Variants in CPXM2 observed in about 807,000 individuals in gnomAD.
CPXM2 encodes the protein carboxypeptidase X, M14 family member 2, also known as inactive carboxypeptidase-like protein X2.
In CPXM2, 66 loss-of-function variants were observed where a neutral mutation model predicts 86.1. The ratio of observed to expected loss-of-function variants is 0.77; its 90% CI spans 0.63 to 0.94. The LOEUF (loss-of-function observed/expected upper bound fraction) is 0.94, where lower values mean the gene tolerates loss of function less well. Among genes scored for constraint, CPXM2 ranks in the 40% least tolerant of loss-of-function variants. The pLI, the probability that CPXM2 is intolerant of heterozygous loss-of-function variation, is 0.00. For missense variants in CPXM2, 948 were observed against 1,026.3 expected, an observed-to-expected ratio of 0.92 and a Z score of 1.04; for synonymous variants, 388 against 400.2, an observed-to-expected ratio of 0.97 and a Z score of 0.36.
At chr10:123,926,446 T>A (rs1162198718) in intron 2 of CPXM2, among the ~76,000 whole-genome samples, 3 of 152,238 alleles carry the variant, frequency 2.0e-5, no homozygotes, top group African/African-American at 7.2e-5. Flanking sequence ...TCCCTTGAAC[T>A]GAACTCGCCT....
In CPXM2 at chr10:123,755,696, A is replaced by G. The variant is rs142003094; in HGVS notation, c.1918-934T>C. On this transcript the variant is annotated intron_variant, in intron 12 of 13. Transcript: ENST00000241305. ...ATAGACCCTTCCAATGACTTGTGTC[A>G]TGCGATGCACTCAAACCTTATGCCT... Among the ~76,000 whole-genome samples the G allele has an allele frequency of 1.0e-3, 154 of 152,344 alleles. 1 individual carries two copies. The highest frequency in any genetic ancestry group is 2.3e-3 in the Admixed American group (35 of 15,302).
upstream of CPXM2, among the ~76,000 whole-genome samples, chr10:123,943,432 G>A (rs183360844): frequency 1.5e-3 from 230 of 152,272 alleles, 1 homozygote; most frequent in African/African-American, 5.2e-3. Flanking sequence ...AATGCCTCAG[G>A]GGAGCCTCTG....
intron 1 of CPXM2, among the ~76,000 whole-genome samples, chr10:123,880,828 C>CAGA (rs1945074889): frequency 1.9e-5 from 1 of 53,970 alleles, no homozygotes; most frequent in African/African-American, 7.8e-5. Flanking sequence ...GATTCCGTCT[C>CAGA]AAAAAAAAAA....
chr10:123,819,674 C>T (rs961203577), intron 4 of CPXM2, among the ~76,000 whole-genome samples: 5 of 152,024 alleles, frequency 3.3e-5, no homozygotes, highest in Admixed American at 1.3e-4. Context: ...GGTGCATTTC[C>T]GGTTGTACAA....
At chr10:123,845,662 A>G (rs1312135796) in intron 3 of CPXM2, among the ~76,000 whole-genome samples, 1 of 152,088 alleles carries the variant, frequency 6.6e-6, no homozygotes, top group African/African-American at 2.4e-5. Flanking sequence ...TTTTAGGGGG[A>G]AAAAAACGAC....
rs777626841 is a variant in CPXM2, at chr10:123,754,661, A to C, written c.2017+2T>G. The stretch of plus-strand genomic sequence containing the variant: ...AGACAGTCTGCACACATTTGCAGTT[A>C]CCTGTTCGGATGTCATGGTTAATGC... On this transcript the variant is annotated splice_donor_variant, in intron 13 of 13. Transcript: ENST00000241305. LOFTEE classifies it high-confidence loss of function. The surrounding 1 kb of genome is among the most constrained non-coding windows in gnomAD (Gnocchi z 4.0). The C allele has an allele frequency of 6.6e-7, 1 of 1,513,152 alleles. No homozygotes were observed. The highest frequency in any genetic ancestry group is 2.3e-5 in the East Asian group (1 of 44,424). The allele number at this position is 1,513,152 out of a possible 1,614,324, so 93.7% of individuals were successfully genotyped here. A position where few individuals can be genotyped will look rare whatever the true frequency, so the allele number is the denominator to read the frequency against.
At chr10:123,814,592 A>T (rs1248204677) in intron 4 of CPXM2, among the ~76,000 whole-genome samples, 2 of 152,100 alleles carry the variant, frequency 1.3e-5, no homozygotes, top group African/African-American at 4.8e-5. Context: ...GGAGCAGAAT[A>T]TTAACGATGG....
In CPXM2 at chr10:123,881,232, TCTTCCCTTCC is replaced by T. The variant is rs201527972; in HGVS notation, c.305-933_305-924del. Among the ~76,000 whole-genome samples the T allele has an allele frequency of 1.4e-4, 9 of 64,874 alleles. 2 individuals carry two copies. The highest frequency in any genetic ancestry group is 3.1e-4 in the African/African-American group (3 of 9,770). The allele number at this position is 64,874 out of a possible 152,430, so 42.6% of individuals were successfully genotyped here. A position where few individuals can be genotyped will look rare whatever the true frequency, so the allele number is the denominator to read the frequency against. ...TGTTCCTTCTCCTGGAGCACCCTTC[TCTTCCCTTCC>T]CTTCCCTTCCCTTCCCTTCCCTTTA... On this transcript the variant is annotated intron_variant, in intron 1 of 13. Transcript: ENST00000241305.
intron 2 of CPXM2, 84 bp from the exon 3 acceptor site, chr10:123,862,807 T>C: frequency 8.4e-7 from 1 of 1,192,210 alleles, no homozygotes; most frequent in Non-Finnish European, 1.2e-6. Context: ...GCCGCGTGCT[T>C]TTCCATTTTC....
upstream of CPXM2, chr10:123,891,838 CCGGGGCGGACAGGGGCGCGCAGAGGCG>C: frequency 5.2e-6 from 1 of 194,136 alleles, no homozygotes; most frequent in Non-Finnish European, 9.4e-6. This position sits in a 1 kb window ranked among gnomAD's most constrained non-coding sequence, Gnocchi z 5.6. Context: ...CTGGGCTGGG[CCGGGGCGGACAGGGGCGCGCAGAGGCG>C]CGGGGCGGGC....
Position 123,757,307 on chromosome 10 carries a change from G to C in CPXM2, c.1823C>G (p.Ser608Cys). 6.2e-7 allele frequency: 1 copy of C among 1,613,760 alleles called. No homozygotes were observed. The highest frequency in any genetic ancestry group is 8.5e-7 in the Non-Finnish European group (1 of 1,179,664). The change falls in exon 12 of 14, where the codon TCC becomes TGC. Residue 608 changes from serine to cysteine, a missense_variant. Physicochemically the swap from Ser to Cys is moderately radical, Grantham distance 112. Transcript: ENST00000241305. ...SYLHTNCFEL[S>C]IYVGCDKYPH... The stretch of plus-strand genomic sequence containing the variant: ...GTATTTATCACAGCCCACGTAGATG[G>C]ACAGTTCGAAGCAGTTTGTATGAAG...
chr10:123,773,208 C>T (rs61863760), intron 7 of CPXM2, among the ~76,000 whole-genome samples: 1 of 145,220 alleles, frequency 6.9e-6, no homozygotes, highest in Non-Finnish European at 1.6e-5. Flanking sequence ...TCATTGTGGT[C>T]ATCAGCTCCC....
At chr10:123,826,976 T>C (rs558826905) in intron 4 of CPXM2, among the ~76,000 whole-genome samples, 1 of 152,280 alleles carries the variant, frequency 6.6e-6, no homozygotes, top group East Asian at 1.9e-4. Flanking sequence ...CTGTAATGGG[T>C]CATTAGTATG....
intron 11 of CPXM2, 86 bp from the exon 12 acceptor site, chr10:123,757,438 T>A (rs1846241226): frequency 1.7e-6 from 2 of 1,188,382 alleles, no homozygotes; most frequent in Non-Finnish European, 2.5e-6. Flanking sequence ...CAAGGATGTT[T>A]AAGAACATTC....
At chr10:123,803,256 T>C (rs1426095232) in intron 4 of CPXM2, among the ~76,000 whole-genome samples, 2 of 147,140 alleles carry the variant, frequency 1.4e-5, no homozygotes, top group African/African-American at 5.0e-5. Context: ...TGCACCACCA[T>C]ACCCAGCTAA....
At chr10:123,854,419 ATATAATATATATATAATATACTT>A in intron 3 of CPXM2, among the ~76,000 whole-genome samples, 1 of 125,076 alleles carries the variant, frequency 8.0e-6, no homozygotes, top group Non-Finnish European at 1.6e-5. Context: ...TATATAAAAT[ATATAATATATATATAATATACTT>A]TTATATATAA....
At chr10:123,878,535 G>T (rs1289177513) in intron 2 of CPXM2, among the ~76,000 whole-genome samples, 3 of 151,122 alleles carry the variant, frequency 2.0e-5, no homozygotes, top group Non-Finnish European at 4.4e-5. Flanking sequence ...GTGTGTGTGT[G>T]TGTGTGTGTG....
upstream of CPXM2, among the ~76,000 whole-genome samples, chr10:123,942,370 C>G (rs1564828160): frequency 6.6e-6 from 1 of 152,072 alleles, no homozygotes; most frequent in Non-Finnish European, 1.5e-5. Flanking sequence ...GATAGGAGGT[C>G]AGCACAAGAT....
intron 4 of CPXM2, among the ~76,000 whole-genome samples, chr10:123,813,067 C>T (rs1045827818): frequency 3.3e-5 from 5 of 152,148 alleles, no homozygotes; most frequent in Admixed American, 3.3e-4. Context: ...GGCCTACATA[C>T]AGGAAAACGC....
Sources: allele counts gnomAD v4.1 joint callset (sites outside exome capture counted in the v4.1 genomes callset), GRCh38; gene constraint gnomAD v4.1.1; non-coding constraint Gnocchi (gnomAD v3.1); transcripts MANE v1.5; gene names NCBI Gene and HGNC (gene_info 2026-07-23, HGNC 2026-07-21).